Variants in OVCH1 observed in about 807,000 individuals in gnomAD.
OVCH1 encodes the protein ovochymase 1, also known as ovochymase-1.
In OVCH1, 139 loss-of-function variants were observed where a neutral mutation model predicts 138.4. That is an observed-to-expected ratio of 1.00 (90% confidence interval 0.87 to 1.16). OVCH1 has a LOEUF of 1.16. Among genes scored for constraint, OVCH1 ranks in the 50% most tolerant of loss-of-function variants. The probability of loss-of-function intolerance (pLI) is 0.00; values close to 1 mark genes in which losing one functional copy is unlikely to be tolerated. For missense variants in OVCH1, 1,367 were observed against 1,357.9 expected, an observed-to-expected ratio of 1.01 and a Z score of -0.11; for synonymous variants, 453 against 467.8, an observed-to-expected ratio of 0.97 and a Z score of 0.41.
intron 5 of OVCH1, 110 bp downstream of exon 5, chr12:29,490,987 T>C: frequency 2.4e-6 from 2 of 847,168 alleles, no homozygotes; most frequent in South Asian, 1.7e-5. Flanking sequence ...TGTCAGAAAT[T>C]AGTTATAAAA....
chr12:29,487,866 G>A, exon 7 of OVCH1: 1 of 1,611,712 alleles, frequency 6.2e-7, no homozygotes, highest in Non-Finnish European at 8.5e-7. Flanking sequence ...ACAAACCAGT[G>A]GTCCTCCAGA....
At chr12:29,460,709 C>G (rs1942102766) in intron 19 of OVCH1, among the ~76,000 whole-genome samples, 1 of 151,962 alleles carries the variant, frequency 6.6e-6, no homozygotes, top group African/African-American at 2.4e-5. Flanking sequence ...GCATTAGGCC[C>G]TCACTATGGC....
exon 26 of OVCH1, chr12:29,439,346 A>G (rs1162864838): frequency 6.4e-7 from 1 of 1,553,610 alleles, no homozygotes; most frequent in Non-Finnish European, 8.7e-7. Context: ...TTTCCCATAT[A>G]TGCATGATAT....
chr12:29,476,352 G>A (rs1014037249), intron 12 of OVCH1, 53 bp from the exon 13 acceptor site: 17 of 1,415,998 alleles, frequency 1.2e-5, no homozygotes, highest in Admixed American at 6.7e-5. Context: ...GAAGAGAGAA[G>A]CTTAAAGGGT....
intron 27 of OVCH1, among the ~76,000 whole-genome samples, chr12:29,431,771 G>GA (rs1240957870): frequency 6.6e-6 from 1 of 152,028 alleles, no homozygotes; most frequent in Non-Finnish European, 1.5e-5. Flanking sequence ...CTTCTGTCAC[G>GA]AAAAACATGT....
chr12:29,443,502 T>C lies in OVCH1; in HGVS notation c.3018-2A>G, dbSNP rs566389821. ...GGGGCTACTAATCTCCATTGGCAAC[T>C]ATGGCATAGATGAAACAAAGTCAGA... On this transcript the variant is annotated splice_acceptor_variant, in intron 24 of 27. Coordinates refer to ENST00000318184, the Ensembl canonical transcript of OVCH1. LOFTEE classifies it high-confidence loss of function. 1 of 1,589,670 alleles carries C rather than the reference T, an allele frequency of 6.3e-7. No individual in the cohort carries two copies. The highest frequency in any genetic ancestry group is 2.3e-5 in the East Asian group (1 of 44,140).
chr12:29,464,642 CAG>C lies in OVCH1; in HGVS notation c.1988_1989del (p.Ser663Ter). The C allele has an allele frequency of 6.2e-7, 1 of 1,613,546 alleles. No individual in the cohort carries two copies. The highest frequency in any genetic ancestry group is 8.5e-7 in the Non-Finnish European group (1 of 1,179,668). On this transcript the variant is annotated frameshift_variant, in exon 18 of 28. Transcript: ENST00000318184. LOFTEE classifies it high-confidence loss of function. ...GAGCTTAGTTGTATTAGGGCAATGT[CAG>C]AGTCATAACTTAGTGTGTTAAAGTC...
chr12:29,471,213 ATATAT>A (rs1673325639), intron 16 of OVCH1, among the ~76,000 whole-genome samples: 1 of 152,342 alleles, frequency 6.6e-6, no homozygotes, highest in Non-Finnish European at 1.5e-5. Context: ...TAAACTACAA[ATATAT>A]TATGTATATT....
At chr12:29,427,447 G>A (rs1941197977), downstream of OVCH1, 1 of 1,347,826 alleles carries the variant, frequency 7.4e-7, no homozygotes, top group South Asian at 1.4e-5. Context: ...TATTTAGATT[G>A]TATGATAGAG....
intron 3 of OVCH1, among the ~76,000 whole-genome samples, chr12:29,418,616 C>T (rs1264531072): frequency 6.6e-6 from 1 of 152,152 alleles, no homozygotes; most frequent in East Asian, 1.9e-4. Context: ...AAATTCAATA[C>T]GTTTTTCCAG....
chr12:29,444,358 G>A (rs1941562360), intron 23 of OVCH1, 78 bp from the exon 24 acceptor site: 10 of 1,390,758 alleles, frequency 7.2e-6, no homozygotes, highest in Admixed American at 2.3e-5. Context: ...TCAGATCAAG[G>A]TAAACAGCTC....
chr12:29,454,799 T>A (rs752583404), intron 21 of OVCH1, 42 bp downstream of exon 21: 19 of 1,528,430 alleles, frequency 1.2e-5, no homozygotes, highest in Non-Finnish European at 1.7e-5. Context: ...CTTGCCAAAT[T>A]CTGGCTGAAA....
rs756201639 is a variant in OVCH1, at chr12:29,464,629, A to G, written c.2003T>C (p.Ile668Thr). 1.2e-6 allele frequency: 2 copies of G among 1,613,634 alleles called. No individual in the cohort carries two copies. The highest frequency in any genetic ancestry group is 1.1e-5 in the South Asian group (1 of 91,068). The change falls in exon 18 of 28, where the codon ATA (isoleucine) becomes ACA (threonine). Residue 668 changes from isoleucine to threonine, a missense_variant. Physicochemically the swap from Ile to Thr is moderately conservative, Grantham distance 89. Coordinates refer to ENST00000318184, the Ensembl canonical transcript of OVCH1. ...GTACTCCAGAGGAGAGCTTAGTTGT[A>G]TTAGGGCAATGTCAGAGTCATAACT...
chr12:29,416,595 T>C (rs1045686221), intron 3 of OVCH1, among the ~76,000 whole-genome samples: 2 of 152,210 alleles, frequency 1.3e-5, no homozygotes, highest in Non-Finnish European at 1.5e-5. Context: ...CAATAAGATA[T>C]CACTACCACT....
At chr12:29,433,123 T>C (rs1941298637) in intron 27 of OVCH1, among the ~76,000 whole-genome samples, 1 of 152,190 alleles carries the variant, frequency 6.6e-6, no homozygotes, top group African/African-American at 2.4e-5. Flanking sequence ...AAGCTTCCTC[T>C]GTTATATATT....
At chr12:29,463,518 A>G (rs1942210239) in intron 18 of OVCH1, among the ~76,000 whole-genome samples, 1 of 152,214 alleles carries the variant, frequency 6.6e-6, no homozygotes, top group Non-Finnish European at 1.5e-5. Context: ...GGGAGGCCCA[A>G]TCACACAGAG....
Position 29,473,744 on chromosome 12 carries a change from T to C in OVCH1, c.1601-641A>G, listed in dbSNP as rs192288104. 1.8e-3 allele frequency among the ~76,000 whole-genome samples: 278 copies of C among 152,270 alleles called. 1 individual carries two copies. Among genetic ancestry groups the C allele is most frequent in the Non-Finnish European group, 2.7e-3 (184 of 68,014 alleles). ...TGGATTGAGGGACACAAAGTATTAA[T>C]CCTGGGTGTGTCTGTGTGGGTGTTG... On this transcript the variant is annotated intron_variant, in intron 14 of 27. Coordinates refer to ENST00000318184, the Ensembl canonical transcript of OVCH1.
At chr12:29,418,512 A>T (rs1941061183) in intron 3 of OVCH1, among the ~76,000 whole-genome samples, 1 of 152,242 alleles carries the variant, frequency 6.6e-6, no homozygotes, top group Non-Finnish European at 1.5e-5. Context: ...TAATTATTTA[A>T]CTTCAGAAGT....
intron 8 of OVCH1, among the ~76,000 whole-genome samples, chr12:29,480,799 G>A (rs4931191): frequency 0.48 from 72,232 of 151,848 alleles, 17,425 homozygotes; most frequent in East Asian, 0.57. Flanking sequence ...TCTCCCTTAT[G>A]ATTTCCTAGT....
Sources: allele counts gnomAD v4.1 joint callset (sites outside exome capture counted in the v4.1 genomes callset), GRCh38; gene constraint gnomAD v4.1.1; transcripts MANE v1.5; gene names NCBI Gene and HGNC (gene_info 2026-07-23, HGNC 2026-07-21).